The following PRKN variants were observed in gnomAD, a reference collection of about 807,000 sequenced individuals.
The protein encoded by PRKN is E3 ubiquitin-protein ligase parkin.
In PRKN, 56 loss-of-function variants were observed where a neutral mutation model predicts 59.5. That is an observed-to-expected ratio of 0.94 (90% CI 0.76 to 1.18). PRKN has a LOEUF of 1.18. Among genes scored for constraint, PRKN ranks in the 50% most tolerant of loss-of-function variants. The pLI, the probability that PRKN is intolerant of heterozygous loss-of-function variation, is 0.00. For missense variants in PRKN, 657 were observed against 596.4 expected, an observed-to-expected ratio of 1.10 and a Z score of -1.06; for synonymous variants, 250 against 222.1, an observed-to-expected ratio of 1.13 and a Z score of -1.12.
At chr6:161,638,987 C>T (rs1034214842) in intron 7 of PRKN, among the ~76,000 whole-genome samples, 1 of 152,106 alleles carries the variant, frequency 6.6e-6, no homozygotes, top group African/African-American at 2.4e-5. Flanking sequence ...GGTAATCCAC[C>T]TGCCTCAGTC....
chr6:162,070,458 C>G (rs1407300086), intron 4 of PRKN, among the ~76,000 whole-genome samples: 1 of 152,096 alleles, frequency 6.6e-6, no homozygotes, highest in Non-Finnish European at 1.5e-5. Flanking sequence ...TTCAGTGGGA[C>G]TGAATGGTTT....
At chr6:161,639,326 A>G (rs758129972) in intron 7 of PRKN, among the ~76,000 whole-genome samples, 24 of 152,192 alleles carry the variant, frequency 1.6e-4, no homozygotes, top group Non-Finnish European at 3.4e-4. Flanking sequence ...TCCAATGACC[A>G]TACAGGATCG....
chr6:161,702,903 G>GATC (rs973220378), intron 7 of PRKN, among the ~76,000 whole-genome samples: 1 of 151,838 alleles, frequency 6.6e-6, no homozygotes, highest in African/African-American at 2.4e-5. Flanking sequence ...AACCAATTTT[G>GATC]ATCTGCAAGA....
At chr6:162,702,340 T>G (rs1015626127) in intron 1 of PRKN, among the ~76,000 whole-genome samples, 1 of 152,132 alleles carries the variant, frequency 6.6e-6, no homozygotes, top group African/African-American at 2.4e-5. Flanking sequence ...TCAAAAAAAT[T>G]CATATTCTAC....
At chr6:162,413,390 A>T (rs1053611426) in intron 2 of PRKN, among the ~76,000 whole-genome samples, 1 of 152,180 alleles carries the variant, frequency 6.6e-6, no homozygotes, top group African/African-American at 2.4e-5. Context: ...GCAGGGGGAA[A>T]GAGACAAATG....
At chr6:162,331,144 C>A (rs979138093) in intron 2 of PRKN, among the ~76,000 whole-genome samples, 1 of 148,362 alleles carries the variant, frequency 6.7e-6, no homozygotes, top group Non-Finnish European at 1.5e-5. Context: ...GCCTGGCCAA[C>A]GTGGTGAAAC....
At chr6:162,098,814 G>A (rs1779850819) in intron 4 of PRKN, among the ~76,000 whole-genome samples, 1 of 152,204 alleles carries the variant, frequency 6.6e-6, no homozygotes, top group Non-Finnish European at 1.5e-5. Context: ...GGCTTGAAAA[G>A]GACTTAGCCT....
At chr6:162,138,990 A>C (rs1031628591) in intron 4 of PRKN, among the ~76,000 whole-genome samples, 6 of 152,194 alleles carry the variant, frequency 3.9e-5, no homozygotes, top group African/African-American at 7.2e-5. Flanking sequence ...TAGAAGTTGG[A>C]AGGTAACTAA....
chr6:162,192,967 C>T (rs1183068692), intron 4 of PRKN, among the ~76,000 whole-genome samples: 2 of 152,094 alleles, frequency 1.3e-5, no homozygotes, highest in African/African-American at 4.8e-5. Flanking sequence ...GGGGAACTTG[C>T]GTCTGCAAGA....
intron 4 of PRKN, among the ~76,000 whole-genome samples, chr6:162,183,252 A>G (rs1359578753): frequency 1.3e-5 from 2 of 152,084 alleles, no homozygotes; most frequent in Non-Finnish European, 2.9e-5. Context: ...TGGAGAACAA[A>G]TGAGGTCCTA....
At chr6:162,583,532 C>T (rs898045461) in intron 1 of PRKN, among the ~76,000 whole-genome samples, 12 of 152,170 alleles carry the variant, frequency 7.9e-5, no homozygotes, top group African/African-American at 2.9e-4. Flanking sequence ...CTCCTGAAGC[C>T]TTTCCTTAAG....
chr6:161,500,248 C>A (rs959274797), intron 9 of PRKN, among the ~76,000 whole-genome samples: 21 of 152,170 alleles, frequency 1.4e-4, no homozygotes, highest in African/African-American at 4.8e-4. Flanking sequence ...CAGCCTCCCC[C>A]ACTATCAGTG....
intron 1 of PRKN, among the ~76,000 whole-genome samples, chr6:162,478,161 A>C (rs929350282): frequency 5.9e-5 from 9 of 152,066 alleles, no homozygotes; most frequent in African/African-American, 2.2e-4. Context: ...TGTAGAGCTT[A>C]CTCTGAGAAA....
chr6:161,382,511 G>A (rs551618866), intron 10 of PRKN, among the ~76,000 whole-genome samples: 2 of 152,316 alleles, frequency 1.3e-5, no homozygotes, highest in African/African-American at 4.8e-5. Context: ...ATAGGGAGAG[G>A]AACATCAACT....
chr6:161,641,963 A>G (rs572861497), intron 7 of PRKN, among the ~76,000 whole-genome samples: 1 of 152,204 alleles, frequency 6.6e-6, no homozygotes, highest in Non-Finnish European at 1.5e-5. Context: ...AAGAGTTTAC[A>G]TACTTCTTTT....
chr6:162,472,633 G>A lies in PRKN; in HGVS notation c.8-29160C>T, dbSNP rs1430227914. On this transcript the variant is annotated intron_variant, in intron 1 of 11. Transcript: ENST00000366898. Reference sequence around the variant, plus strand: ...CTCCCGAGTAGCTGGGACTACAGGCGCCCGCCACCACGCCCGGCTAATTTT... The same window carrying A: ...CTCCCGAGTAGCTGGGACTACAGGCACCCGCCACCACGCCCGGCTAATTTT... 4.7e-5 allele frequency among the ~76,000 whole-genome samples: 6 copies of A among 126,670 alleles called. 2 individuals carry two copies. The highest frequency in any genetic ancestry group is 2.8e-4 in the East Asian group (1 of 3,624). The allele number at this position is 126,670 out of a possible 152,430, so 83.1% of individuals were successfully genotyped here.
At chr6:162,268,120 C>T (rs1454366790) in intron 2 of PRKN, among the ~76,000 whole-genome samples, 1 of 152,104 alleles carries the variant, frequency 6.6e-6, no homozygotes, top group African/African-American at 2.4e-5. Flanking sequence ...CAGACCATTA[C>T]AGGTTTTGAG....
At chr6:161,759,934 C>A (rs1789119898) in intron 7 of PRKN, among the ~76,000 whole-genome samples, 1 of 152,074 alleles carries the variant, frequency 6.6e-6, no homozygotes, top group African/African-American at 2.4e-5. Context: ...TGTGATACAA[C>A]TGAAGGATGT....
intron 6 of PRKN, among the ~76,000 whole-genome samples, chr6:161,862,653 G>C (rs890728866): frequency 1.3e-5 from 2 of 152,116 alleles, no homozygotes; most frequent in African/African-American, 4.8e-5. Flanking sequence ...GTGGAAGAGA[G>C]AGGAATGAAC....
Sources: allele counts gnomAD v4.1 joint callset (sites outside exome capture counted in the v4.1 genomes callset), GRCh38; gene constraint gnomAD v4.1.1; transcripts MANE v1.5; gene names NCBI Gene and HGNC (gene_info 2026-07-23, HGNC 2026-07-21).